FDFT1: variants seen among roughly 807,000 people sequenced by gnomAD.
FDFT1 encodes squalene synthase.
A neutral mutation model predicts 46.8 loss-of-function variants in FDFT1; 68 were observed. The observed-to-expected ratio is 1.45, with a 90% CI of 1.19 to 1.78. The LOEUF (loss-of-function observed/expected upper bound fraction) is 1.78, where lower values mean the gene tolerates loss of function less well. Ranked by LOEUF, FDFT1 falls within the 40% of genes most tolerant of loss-of-function variation. The pLI, the probability that FDFT1 is intolerant of heterozygous loss-of-function variation, is 0.00. For synonymous variants in FDFT1, 351 were observed against 185.1 expected, an observed-to-expected ratio of 1.90 and a Z score of -7.28; for missense variants, 928 against 524.4, an observed-to-expected ratio of 1.77 and a Z score of -7.52.
intron 5 of FDFT1, among the ~76,000 whole-genome samples, chr8:11,827,569 T>C (rs1185371866): frequency 6.6e-6 from 1 of 150,484 alleles, no homozygotes; most frequent in Admixed American, 6.6e-5. Flanking sequence ...ATAGAGCAGA[T>C]ACAGGGTTCA....
At chr8:11,820,440 T>G (rs1809068455) in intron 3 of FDFT1, among the ~76,000 whole-genome samples, 3 of 152,076 alleles carry the variant, frequency 2.0e-5, no homozygotes, top group South Asian at 2.1e-4. Flanking sequence ...TGTTTAGATA[T>G]GCCCTGCCCC....
chr8:11,797,638 C>CAA (rs34350077), upstream of FDFT1, among the ~76,000 whole-genome samples: 30,854 of 74,736 alleles, frequency 0.41, 6,979 homozygotes, highest in East Asian at 0.62. Context: ...CACACACACT[C>CAA]AAAAAAAAAA....
intron 1 of FDFT1, chr8:11,803,154 G>C (rs1320418010): frequency 1.4e-6 from 2 of 1,426,416 alleles, no homozygotes; most frequent in Non-Finnish European, 1.8e-6. Context: ...CCCTGGGCAT[G>C]AGCGACTTTT....
At chr8:11,809,576 G>T (rs1585882455) in intron 2 of FDFT1, 91 bp from the exon 3 acceptor site, 2 of 1,373,822 alleles carry the variant, frequency 1.5e-6, no homozygotes, top group Non-Finnish European at 2.0e-6. Flanking sequence ...GGGTGAGATG[G>T]GTTTAGAAAG....
chr8:11,813,221 G>A (rs1490145751), intron 3 of FDFT1, among the ~76,000 whole-genome samples: 1 of 152,184 alleles, frequency 6.6e-6, no homozygotes, highest in Non-Finnish European at 1.5e-5. Flanking sequence ...TACAGTACAT[G>A]AGCACGTATC....
intron 7 of FDFT1, among the ~76,000 whole-genome samples, chr8:11,837,759 C>G (rs1159303529): frequency 6.6e-6 from 1 of 152,122 alleles, no homozygotes; most frequent in African/African-American, 2.4e-5. Flanking sequence ...AGCTTAGACT[C>G]ACGTTGGAGA....
At chr8:11,836,392 C>G (rs1045643893) in intron 7 of FDFT1, among the ~76,000 whole-genome samples, 2 of 152,230 alleles carry the variant, frequency 1.3e-5, no homozygotes, top group African/African-American at 2.4e-5. Context: ...AGAGACCTCT[C>G]GCTTCCTGCC....
upstream of FDFT1, among the ~76,000 whole-genome samples, chr8:11,799,551 C>T (rs531305832): frequency 1.3e-5 from 2 of 152,306 alleles, no homozygotes; most frequent in South Asian, 2.1e-4. Flanking sequence ...AATGTTAATG[C>T]CAGCCAGTTG....
At chr8:11,828,443 A>AG (rs1440424931) in intron 5 of FDFT1, among the ~76,000 whole-genome samples, 2 of 152,336 alleles carry the variant, frequency 1.3e-5, no homozygotes, top group African/African-American at 4.8e-5. Context: ...AGAGAAGGGA[A>AG]GGGGATTGTC....
intron 2 of FDFT1, chr8:11,809,447 A>T (rs1241966757): frequency 7.8e-7 from 1 of 1,277,494 alleles, no homozygotes. Flanking sequence ...GTGACATTCA[A>T]CTAGTAGGCT....
intron 7 of FDFT1, among the ~76,000 whole-genome samples, chr8:11,833,019 C>G (rs958299853): frequency 6.6e-6 from 1 of 152,150 alleles, no homozygotes; most frequent in Admixed American, 6.6e-5. Flanking sequence ...TCTTCTTATA[C>G]TTCCTCCCTA....
At chr8:11,830,566 C>G (rs1162767751) in intron 6 of FDFT1, 146 bp downstream of exon 6, 1 of 632,334 alleles carries the variant, frequency 1.6e-6, no homozygotes, top group African/African-American at 1.8e-5. Flanking sequence ...TTCATAGCAC[C>G]CGCCTTTGCT....
At chr8:11,808,924 G>A (rs1463943599) in intron 2 of FDFT1, 33 bp downstream of exon 2, 1 of 1,604,426 alleles carries the variant, frequency 6.2e-7, no homozygotes, top group East Asian at 2.2e-5. Flanking sequence ...CTGGCTTGGA[G>A]GAAAGCTTGT....
chr8:11,801,135 G>A (rs1456026169), upstream of FDFT1, among the ~76,000 whole-genome samples: 2 of 152,152 alleles, frequency 1.3e-5, no homozygotes, highest in Non-Finnish European at 2.9e-5. Flanking sequence ...AGTATCTGGG[G>A]GATAGTGCAG....
At chr8:11,828,185 G>A (rs1399696305) in intron 5 of FDFT1, among the ~76,000 whole-genome samples, 3 of 152,136 alleles carry the variant, frequency 2.0e-5, no homozygotes, top group South Asian at 2.1e-4. Flanking sequence ...CTCCTTGGGA[G>A]GTTGAGGCAG....
chr8:11,802,592 A>C (rs1160882105), upstream of FDFT1: 1 of 619,538 alleles, frequency 1.6e-6, no homozygotes, highest in East Asian at 3.0e-5. Context: ...GGGTCTTCCT[A>C]GTGTGAGCGG....
At chr8:11,797,283 C>G (rs1171841062), upstream of FDFT1, among the ~76,000 whole-genome samples, 2 of 152,132 alleles carry the variant, frequency 1.3e-5, no homozygotes, top group African/African-American at 2.4e-5. Context: ...GTTGTTTAAG[C>G]CATGGTTCTG....
chr8:11,839,141 G>A lies in FDFT1; in HGVS notation c.*532G>A, dbSNP rs982302119. 3.9e-5 allele frequency: 6 copies of A among 154,540 alleles called. No homozygotes were observed. The highest frequency in any genetic ancestry group is 3.8e-4 in the Admixed American group (6 of 15,680). 9.6% of individuals were successfully genotyped at this position (154,540 alleles called of 1,614,324 possible). On this transcript the variant is annotated 3_prime_UTR_variant, in exon 8 of 8. Transcript: ENST00000220584. ...TGCAAACTGCCTTTTCCACACAAAGGCTGGGAATAAAATTCTGGGTATTCT... is the reference window on the plus strand; with the variant it reads ...TGCAAACTGCCTTTTCCACACAAAGACTGGGAATAAAATTCTGGGTATTCT...
intron 1 of FDFT1, among the ~76,000 whole-genome samples, chr8:11,806,485 G>A (rs756139759): frequency 1.2e-4 from 19 of 152,204 alleles, no homozygotes; most frequent in Non-Finnish European, 2.2e-4. Context: ...CGAGCTGGAG[G>A]AGTAAGTGGC....
Sources: allele counts gnomAD v4.1 joint callset (sites outside exome capture counted in the v4.1 genomes callset), GRCh38; gene constraint gnomAD v4.1.1; transcripts MANE v1.5; gene names NCBI Gene and HGNC (gene_info 2026-07-23, HGNC 2026-07-21).